The following C17orf99 variants were observed in gnomAD, a reference collection of about 807,000 sequenced individuals.
C17orf99 encodes the protein protein IL-40.
A neutral mutation model predicts 22.6 loss-of-function variants in C17orf99; 18 were observed. The ratio of observed to expected loss-of-function variants is 0.80; its 90% CI spans 0.55 to 1.18. C17orf99 has a LOEUF of 1.18. C17orf99 is among the 50% of genes most tolerant of loss of function. The pLI is 0.00. For missense variants in C17orf99, 328 were observed against 342.7 expected, an observed-to-expected ratio of 0.96 and a Z score of 0.34; for synonymous variants, 147 against 136.6, an observed-to-expected ratio of 1.08 and a Z score of -0.53.
chr17:78,154,601 G>A (rs916161023), intron 2 of C17orf99, among the ~76,000 whole-genome samples: 5 of 103,124 alleles, frequency 4.8e-5, no homozygotes, highest in Non-Finnish European at 6.8e-5. Context: ...CCAGCACTTT[G>A]GGGGGCTGAG....
At chr17:78,149,726 TTG>T (rs1491033822) in intron 2 of C17orf99, among the ~76,000 whole-genome samples, 23 of 150,594 alleles carry the variant, frequency 1.5e-4, no homozygotes, top group Admixed American at 5.6e-4. Context: ...TTTTTTTTTT[TTG>T]AGACGGGGTC....
At chr17:78,163,820 C>T (rs771022013) in intron 3 of C17orf99, among the ~76,000 whole-genome samples, 13 of 152,184 alleles carry the variant, frequency 8.5e-5, no homozygotes, top group Admixed American at 1.3e-4. Context: ...GAGCCTAGAT[C>T]GCGCCATTGC....
chr17:78,148,090 G>A (rs901794486), intron 2 of C17orf99, among the ~76,000 whole-genome samples: 2 of 152,042 alleles, frequency 1.3e-5, no homozygotes, highest in African/African-American at 4.8e-5. Context: ...GGGGACAGAT[G>A]ATAATAAAAA....
At chr17:78,163,472 T>C (rs2075593126) in intron 3 of C17orf99, among the ~76,000 whole-genome samples, 1 of 152,234 alleles carries the variant, frequency 6.6e-6, no homozygotes, top group Non-Finnish European at 1.5e-5. Context: ...AAATTTTACA[T>C]AGGACATACG....
intron 2 of C17orf99, among the ~76,000 whole-genome samples, chr17:78,148,132 C>T (rs574468792): frequency 6.6e-6 from 1 of 151,938 alleles, no homozygotes; most frequent in East Asian, 1.9e-4. Context: ...GCCTGTTATC[C>T]CGCACTTTGG....
intron 2 of C17orf99, among the ~76,000 whole-genome samples, chr17:78,150,933 G>A (rs1403296203): frequency 6.6e-6 from 1 of 152,066 alleles, no homozygotes; most frequent in Non-Finnish European, 1.5e-5. Flanking sequence ...GACCAGCCTG[G>A]CCAACATGGT....
At chr17:78,147,958 C>T (rs2075449139) in intron 2 of C17orf99, among the ~76,000 whole-genome samples, 1 of 152,274 alleles carries the variant, frequency 6.6e-6, no homozygotes, top group South Asian at 2.1e-4. Flanking sequence ...ACTGATAAAT[C>T]ATTTATTCAT....
intron 2 of C17orf99, chr17:78,157,346 C>T (rs959871151): frequency 7.2e-5 from 56 of 775,556 alleles, no homozygotes; most frequent in East Asian, 1.6e-4. Flanking sequence ...GCGGCGGCGG[C>T]GGTGGGCTCG....
intron 2 of C17orf99, among the ~76,000 whole-genome samples, chr17:78,148,052 C>A (rs930082053): frequency 1.3e-5 from 2 of 152,140 alleles, no homozygotes; most frequent in African/African-American, 4.8e-5. Flanking sequence ...CAAACCCCTC[C>A]TGTATCTTAC....
At chr17:78,164,783 C>T (rs984035311) in intron 4 of C17orf99, 1 of 1,265,364 alleles carries the variant, frequency 7.9e-7, no homozygotes, top group African/African-American at 1.6e-5. Flanking sequence ...GTGGCCAGGG[C>T]AAAGAGCGGC....
chr17:78,145,855 G>GCGTGATCT (rs1165522987), upstream of C17orf99, among the ~76,000 whole-genome samples: 1 of 147,804 alleles, frequency 6.8e-6, no homozygotes, highest in East Asian at 2.0e-4. Context: ...GAGTGCAGTA[G>GCGTGATCT]CGTGATCTTG....
Position 78,146,827 on chromosome 17 carries a change from G to A in C17orf99, c.38-52G>A, listed in dbSNP as rs1324802356. 2.6e-6 allele frequency: 4 copies of A among 1,534,184 alleles called. No individual in the cohort carries two copies. The Admixed American group carries it at 5.9e-5, about 23-fold the overall frequency. ...GCAGGTGGGTCTCGAGGCTGTCTCT[G>A]GTCTCCCCTCCACACCAGGCCCTCT... is the stretch of plus-strand genomic sequence containing the variant. On this transcript the variant is annotated intron_variant, in intron 1 of 4. Transcript: ENST00000340363. The surrounding 1 kb of genome is among the most constrained non-coding windows in gnomAD (Gnocchi z 5.2).
intron 4 of C17orf99, chr17:78,165,684 C>T (rs2075612034): frequency 1.1e-6 from 1 of 924,990 alleles, no homozygotes; most frequent in African/African-American, 1.7e-5. Context: ...CACCTGTAGT[C>T]CCAGCTACTC....
In C17orf99 at chr17:78,166,041, A is replaced by G. The variant is rs148532300; in HGVS notation, c.793A>G (p.Met265Val). 2.2e-6 allele frequency: 3 copies of G among 1,335,328 alleles called. No individual in the cohort carries two copies. Among genetic ancestry groups the G allele is most frequent in the Non-Finnish European group, 3.0e-6 (3 of 1,002,962 alleles). 82.7% of individuals were successfully genotyped at this position (1,335,328 alleles called of 1,614,324 possible). The change falls in exon 5 of 5, where the codon ATG becomes GTG. Residue 265 changes from methionine (M) to valine (V), a missense_variant. Transcript: ENST00000340363. ...GEVRGRKAAA[M>V] ...GGTCAGAGGACGCAAAGCAGCAGCC[A>G]TGTAGAATGAACCGTCCAGAGAGCC...
intron 2 of C17orf99, among the ~76,000 whole-genome samples, chr17:78,151,064 A>G (rs1409181148): frequency 6.6e-6 from 1 of 151,776 alleles, no homozygotes; most frequent in African/African-American, 2.4e-5. Context: ...CGGAGGTTGC[A>G]GTGAGCCTGG....
intron 4 of C17orf99, chr17:78,165,646 T>C (rs967888126): frequency 2.2e-6 from 2 of 920,456 alleles, no homozygotes; most frequent in African/African-American, 1.8e-5. Context: ...CTACTAAAAA[T>C]ACAAAATTAG....
chr17:78,166,225 A>T lies in C17orf99; in HGVS notation c.*179A>T. ...ATATGTTAACTTGCTTCGCTATAGGAACCTTTGTGCTATCTATATTATCTA... is the reference window on the plus strand; with the variant it reads ...ATATGTTAACTTGCTTCGCTATAGGTACCTTTGTGCTATCTATATTATCTA... On this transcript the variant is annotated 3_prime_UTR_variant, in exon 5 of 5. Coordinates refer to ENST00000340363, the MANE Select transcript of C17orf99 (RefSeq NM_001163075.2). 1 of 389,650 alleles carries T rather than the reference A, an allele frequency of 2.6e-6. No individual in the cohort carries two copies. The highest frequency in any genetic ancestry group is 4.5e-6 in the Non-Finnish European group (1 of 221,044). The allele number at this position is 389,650 out of a possible 1,614,324, so 24.1% of individuals were successfully genotyped here.
At chr17:78,157,520 C>A in intron 2 of C17orf99, 2 of 1,125,976 alleles carry the variant, frequency 1.8e-6, no homozygotes, top group Non-Finnish European at 2.5e-6. Context: ...CTTTGTAGGC[C>A]GGGCGCGGTG....
At chr17:78,157,617 T>C in intron 2 of C17orf99, 1 of 485,076 alleles carries the variant, frequency 2.1e-6, no homozygotes, top group Non-Finnish European at 3.5e-6. Flanking sequence ...GCTAAAATGG[T>C]GAAACCCCGT....
Sources: allele counts gnomAD v4.1 joint callset (sites outside exome capture counted in the v4.1 genomes callset), GRCh38; gene constraint gnomAD v4.1.1; non-coding constraint Gnocchi (gnomAD v3.1); transcripts MANE v1.5; gene names NCBI Gene and HGNC (gene_info 2026-07-23, HGNC 2026-07-21).